The following COL5A3 variants were observed in gnomAD, a reference collection of about 807,000 sequenced individuals.
COL5A3 encodes collagen alpha-3(V) chain.
Under a neutral mutation model 250.0 loss-of-function variants are expected in COL5A3, and 172 were observed. The ratio of observed to expected loss-of-function variants is 0.69; its 90% confidence interval spans 0.61 to 0.78. COL5A3 has a LOEUF of 0.78. COL5A3 is among the 30% of genes least tolerant of loss of function. The probability of loss-of-function intolerance (pLI) is 0.00; values close to 1 mark genes in which losing one functional copy is unlikely to be tolerated. For synonymous variants in COL5A3, 937 were observed against 900.4 expected, an observed-to-expected ratio of 1.04 and a Z score of -0.73; for missense variants, 2,340 against 2,334.4, an observed-to-expected ratio of 1.00 and a Z score of -0.05.
chr19:9,997,312 G>T, intron 11 of COL5A3, 59 bp downstream of exon 11: 5 of 1,317,450 alleles, frequency 3.8e-6, no homozygotes, highest in Non-Finnish European at 5.4e-6. Flanking sequence ...AGACTGTCAC[G>T]CTCCCAGCCC....
In COL5A3 at chr19:10,001,546, C is replaced by G; in HGVS notation, c.1088G>C (p.Arg363Pro). ...CACAGGAAAGATCTGGAACTGAGTC[C>G]GAGATGGATATTCTGCTGCCCGGAA... ...PDFRAAEYPS[R>P]TQFQIFPGAG... The change falls in exon 8 of 67, where the codon CGG becomes CCG. Residue 363 changes from arginine (R) to proline (P), a missense_variant. Arg to Pro is a moderately radical substitution (Grantham distance 103, BLOSUM62 -2). Coordinates refer to ENST00000264828, the MANE Select transcript of COL5A3 (RefSeq NM_015719.4). 1.2e-6 allele frequency: 2 copies of G among 1,614,096 alleles called. No individual in the cohort carries two copies. The highest frequency in any genetic ancestry group is 8.5e-7 in the Non-Finnish European group (1 of 1,180,022).
intron 8 of COL5A3, among the ~76,000 whole-genome samples, chr19:10,001,209 G>A (rs1388848189): frequency 3.3e-5 from 5 of 151,804 alleles, no homozygotes; most frequent in African/African-American, 9.7e-5. Context: ...GCAGTGGCAC[G>A]ATCTTGGCTC....
In COL5A3 at chr19:9,970,822, C is replaced by T. The variant is rs144127379; in HGVS notation, c.3883-147G>A. On this transcript the variant is annotated intron_variant, in intron 53 of 66. Coordinates refer to ENST00000264828, the MANE Select transcript of COL5A3 (RefSeq NM_015719.4). ...ACCTCCCACCTACTCCCTCAAGCTG[C>T]TCACATTCCTGGGGGTCCCCAGAGA... 2.4e-3 allele frequency: 2,531 copies of T among 1,033,402 alleles called. 43 individuals carry two copies. In the African/African-American group the frequency reaches 0.038, roughly 15 times the overall value. 64.0% of individuals were successfully genotyped at this position (1,033,402 alleles called of 1,614,324 possible). A position where few individuals can be genotyped will look rare whatever the true frequency, so the allele number is the denominator to read the frequency against.
chr19:9,979,832 T>A lies in COL5A3; in HGVS notation c.2712+7A>T. Reference sequence around the variant, plus strand: ...GATCAGGAATCAAAGGTTGAGGGGTTACTCACCAGTTCTCCTCTCTGTCCA... The same window carrying A: ...GATCAGGAATCAAAGGTTGAGGGGTAACTCACCAGTTCTCCTCTCTGTCCA... On this transcript the variant is annotated splice_region_variant and intron_variant, in intron 37 of 66. Transcript: ENST00000264828. 6.3e-7 allele frequency: 1 copy of A among 1,582,610 alleles called. No homozygotes were observed.
At chr19:9,966,121 C>G (rs1206187585) in intron 64 of COL5A3, among the ~76,000 whole-genome samples, 193 bp downstream of exon 64, 1 of 152,234 alleles carries the variant, frequency 6.6e-6, no homozygotes, top group Non-Finnish European at 1.5e-5. Context: ...CATGTGCCAC[C>G]AGGCTGGCCT....
chr19:9,971,025 T>C lies in COL5A3; in HGVS notation c.3832A>G (p.Ile1278Val). Reference protein sequence around the residue: ...GPPGDPGVSGIDGSPGEKGDP... With the variant: ...GPPGDPGVSGVDGSPGEKGDP... ...CCCTTCTCCCCTGGGGAACCATCTA[T>C]GCCCTGCATGGGGGGAAGACAGAGT... The change falls in exon 53 of 67, where the codon ATA (isoleucine) becomes GTA (valine). Residue 1278 changes from isoleucine (I) to valine (V), a missense_variant. By Grantham distance (29) the Ile-to-Val change is conservative. Transcript: ENST00000264828. The C allele has an allele frequency of 1.3e-6, 2 of 1,533,912 alleles. No homozygotes were observed. Among genetic ancestry groups the C allele is most frequent in the Non-Finnish European group, 1.7e-6 (2 of 1,146,914 alleles).
intron 44 of COL5A3, 101 bp downstream of exon 44, chr19:9,977,128 C>T: frequency 8.4e-7 from 1 of 1,193,746 alleles, no homozygotes; most frequent in Non-Finnish European, 1.2e-6. Flanking sequence ...GCAGAAAACT[C>T]CATGGCCTCT....
chr19:10,007,357 C>T (rs1258546039), intron 1 of COL5A3, among the ~76,000 whole-genome samples: 2 of 152,202 alleles, frequency 1.3e-5, no homozygotes, highest in Admixed American at 1.3e-4. Flanking sequence ...CAGCTGTCTC[C>T]GATAACCTCC....
rs143525824 is a variant in COL5A3, at chr19:9,998,232, G to GCACA, written c.1111-87_1111-84dup. 6.6e-3 allele frequency: 6,717 copies of GCACA among 1,014,700 alleles called. 10 individuals carry two copies. Among genetic ancestry groups the GCACA allele is most frequent in the Admixed American group, 0.015 (630 of 43,102 alleles). 62.9% of individuals were successfully genotyped at this position (1,014,700 alleles called of 1,614,324 possible). On this transcript the variant is annotated intron_variant, in intron 8 of 66. Transcript: ENST00000264828. ...TTCAGTTATCTGATCACACACACTT[G>GCACA]CACACACACACACACACACACACAC...
At position 10,005,971 on chromosome 19, in the gene COL5A3, C is replaced by A; in HGVS notation, c.262G>T (p.Glu88Ter). 1 of 1,613,542 alleles carries A rather than the reference C, an allele frequency of 6.2e-7. No homozygotes were observed. The highest frequency in any genetic ancestry group is 1.1e-5 in the South Asian group (1 of 91,050). Residue 88 changes from glutamate (E) to a stop codon, truncating the protein, a stop_gained, in exon 3 of 67, where the codon GAG becomes TAG. Transcript: ENST00000264828. LOFTEE classifies it high-confidence loss of function. Reference protein sequence around the residue: ...WELFPEGHFPENFSLLITLRG... With the variant: ...WELFPEGHFP ...AAGGTGATCAGCAAGGAGAAGTTCT[C>A]AGGAAAGTGGCCTTCTGGGTGGGCA... is the stretch of plus-strand genomic sequence containing the variant.
chr19:9,986,003 G>T, intron 30 of COL5A3, 108 bp from the exon 31 acceptor site: 2 of 995,532 alleles, frequency 2.0e-6, no homozygotes, highest in South Asian at 1.3e-5. Flanking sequence ...ATGGGAGTTG[G>T]GGAAACGAGG....
chr19:9,986,511 G>GT, intron 29 of COL5A3, 42 bp downstream of exon 29: 2 of 1,610,352 alleles, frequency 1.2e-6, no homozygotes, highest in Non-Finnish European at 8.5e-7. Flanking sequence ...TCTTCCCCGA[G>GT]CCCCCAGACC....
intron 39 of COL5A3, 54 bp from the exon 40 acceptor site, chr19:9,979,034 C>T: frequency 2.7e-6 from 4 of 1,477,900 alleles, no homozygotes; most frequent in Non-Finnish European, 2.7e-6. Flanking sequence ...TGTCTCCCTC[C>T]AATCTGTGAC....
At chr19:9,966,152 C>A (rs937633025) in intron 64 of COL5A3, among the ~76,000 whole-genome samples, 162 bp downstream of exon 64, 2 of 152,098 alleles carry the variant, frequency 1.3e-5, no homozygotes, top group Non-Finnish European at 2.9e-5. Flanking sequence ...CTTTTTGATC[C>A]TCTGCTGTAG....
chr19:9,996,050 T>C lies in COL5A3; in HGVS notation c.1533+16A>G. 1 of 1,549,480 alleles carries C rather than the reference T, an allele frequency of 6.5e-7. No homozygotes were observed. Among genetic ancestry groups the C allele is most frequent in the South Asian group, 1.3e-5 (1 of 79,840 alleles). ...GCTATTCCCATCCTATCCTGCCCTA[T>C]CTCCACAAGTCTCACCTGTGGCCCT... On this transcript the variant is annotated intron_variant, in intron 15 of 66. Coordinates refer to ENST00000264828, the MANE Select transcript of COL5A3 (RefSeq NM_015719.4).
Position 10,003,731 on chromosome 19 carries a change from A to G in COL5A3, c.700-17T>C, listed in dbSNP as rs2087396937. 2 of 1,613,692 alleles carry G rather than the reference A, an allele frequency of 1.2e-6. No homozygotes were observed. The highest frequency in any genetic ancestry group is 1.1e-5 in the South Asian group (1 of 91,070). On this transcript the variant is annotated splice_polypyrimidine_tract_variant and intron_variant, in intron 5 of 66. Coordinates refer to ENST00000264828, the MANE Select transcript of COL5A3 (RefSeq NM_015719.4). ...CTGGGGAGCCTGGGAGAAGGGTTCC[A>G]GTCAGGTCTAGAGCATCCCACCAGC...
At chr19:10,002,569 A>T (rs1371446551) in intron 6 of COL5A3, among the ~76,000 whole-genome samples, 1 of 151,710 alleles carries the variant, frequency 6.6e-6, no homozygotes, top group Admixed American at 6.6e-5. Context: ...CAATGGCCTC[A>T]ACCTGTTACT....
intron 48 of COL5A3, 31 bp from the exon 49 acceptor site, chr19:9,973,840 C>T (rs1045389845): frequency 3.7e-6 from 6 of 1,612,490 alleles, no homozygotes; most frequent in Non-Finnish European, 3.4e-6. Flanking sequence ...AAGAGTGGGA[C>T]TGTGGAATCC....
intron 27 of COL5A3, 84 bp from the exon 28 acceptor site, chr19:9,986,842 A>G: frequency 2.0e-6 from 3 of 1,485,452 alleles, no homozygotes; most frequent in Non-Finnish European, 2.8e-6. Flanking sequence ...TAAAGCAGCC[A>G]GGATAGTCCC....
Sources: allele counts gnomAD v4.1 joint callset (sites outside exome capture counted in the v4.1 genomes callset), GRCh38; gene constraint gnomAD v4.1.1; transcripts MANE v1.5; gene names NCBI Gene and HGNC (gene_info 2026-07-23, HGNC 2026-07-21).